PDE1A: variants seen among roughly 807,000 people sequenced by gnomAD.
The protein encoded by PDE1A is dual specificity calcium/calmodulin-dependent 3',5'-cyclic nucleotide phosphodiesterase 1A.
Under a neutral mutation model 61.7 loss-of-function variants are expected in PDE1A, and 35 were observed. The ratio of observed to expected loss-of-function variants is 0.57; its 90% CI spans 0.43 to 0.75. The LOEUF (loss-of-function observed/expected upper bound fraction) is 0.75, where lower values mean the gene tolerates loss of function less well. Ranked by LOEUF, PDE1A falls within the 30% of genes least tolerant of loss-of-function variation. The pLI, the probability that PDE1A is intolerant of heterozygous loss-of-function variation, is 0.00. For synonymous variants in PDE1A, 232 were observed against 213.2 expected, an observed-to-expected ratio of 1.09 and a Z score of -0.77; for missense variants, 597 against 630.6, an observed-to-expected ratio of 0.95 and a Z score of 0.57.
At chr2:182,267,479 C>A (rs185716427) in intron 1 of PDE1A, among the ~76,000 whole-genome samples, 144 of 151,394 alleles carry the variant, frequency 9.5e-4, no homozygotes, top group Non-Finnish European at 8.7e-4. Context: ...ACTATGCCAA[C>A]CCCAAAAGAC....
At chr2:182,440,135 T>A (rs574274568) in intron 2 of PDE1A, among the ~76,000 whole-genome samples, 13 of 152,184 alleles carry the variant, frequency 8.5e-5, no homozygotes, top group Middle Eastern at 3.4e-3. Flanking sequence ...CCTTTCAGGA[T>A]TCATTTCCAG....
intron 1 of PDE1A, among the ~76,000 whole-genome samples, chr2:182,312,462 GA>G (rs1696048010): frequency 6.6e-6 from 1 of 152,062 alleles, no homozygotes; most frequent in Non-Finnish European, 1.5e-5. Context: ...AATTCATTTT[GA>G]GTTAATATTT....
At chr2:182,172,854 C>T (rs926316952) in intron 13 of PDE1A, among the ~76,000 whole-genome samples, 9 of 151,922 alleles carry the variant, frequency 5.9e-5, no homozygotes, top group Admixed American at 5.3e-4. Flanking sequence ...AAAACATAGG[C>T]GTAGCTAGAC....
chr2:182,264,131 T>C (rs1421042875), intron 2 of PDE1A, among the ~76,000 whole-genome samples, 170 bp downstream of exon 2: 3 of 152,168 alleles, frequency 2.0e-5, no homozygotes. Context: ...AGAATCATAG[T>C]CCAGTTAATT....
At chr2:182,679,334 C>T in the PDE1A span, among the ~76,000 whole-genome samples, 1 of 150,578 alleles carries the variant, frequency 6.6e-6, no homozygotes, top group Admixed American at 6.6e-5. Flanking sequence ...CAGGCGCCCG[C>T]CACCATGCTC....
At position 182,363,167 on chromosome 2, in the gene PDE1A, C is replaced by T. The variant is rs935394710; in HGVS notation, c.53+63411G>A. 9.9e-5 allele frequency among the ~76,000 whole-genome samples: 15 copies of T among 151,932 alleles called. 1 individual carries two copies. The highest frequency in any genetic ancestry group is 9.9e-4 in the Admixed American group (15 of 15,196). On this transcript the variant is annotated intron_variant, in intron 1 of 13. Coordinates refer to ENST00000351439, the Ensembl canonical transcript of PDE1A. ...TCTGTACAACAGATCTCCATGACAC[C>T]CGTTTACCTATATAACAAACCTGCT...
chr2:182,148,269 T>C (rs1468398548), intron 13 of PDE1A, among the ~76,000 whole-genome samples: 3 of 152,102 alleles, frequency 2.0e-5, no homozygotes, highest in African/African-American at 7.2e-5. Context: ...AAATGTTGCC[T>C]GTGTGTGTGG....
At chr2:182,383,643 C>T (rs930119800) in intron 1 of PDE1A, among the ~76,000 whole-genome samples, 89 of 151,986 alleles carry the variant, frequency 5.9e-4, no homozygotes, top group African/African-American at 2.1e-3. Flanking sequence ...TATCCCCCAA[C>T]AAAAACATCA....
chr2:182,544,578 G>C, the PDE1A span, among the ~76,000 whole-genome samples: 2 of 152,202 alleles, frequency 1.3e-5, no homozygotes, highest in African/African-American at 4.8e-5. Flanking sequence ...CTAAAGGAAA[G>C]TGATGTCGTG....
At chr2:182,646,407 A>C in the PDE1A span, among the ~76,000 whole-genome samples, 46 of 147,258 alleles carry the variant, frequency 3.1e-4, no homozygotes, top group African/African-American at 1.2e-3. Context: ...AAAAAAAAAA[A>C]AGCCATACGC....
the PDE1A span, among the ~76,000 whole-genome samples, chr2:182,591,589 G>A: frequency 1.3e-5 from 2 of 152,084 alleles, no homozygotes; most frequent in Non-Finnish European, 2.9e-5. Flanking sequence ...TCTTCATTGC[G>A]GGTGAGTGAT....
intron 6 of PDE1A, among the ~76,000 whole-genome samples, chr2:182,228,310 C>CAT (rs896247115): frequency 1.3e-5 from 2 of 152,106 alleles, no homozygotes; most frequent in African/African-American, 4.8e-5. Context: ...CAATCCCTTT[C>CAT]AGGAATGGTC....
chr2:182,495,208 C>G (rs1367201), intron 2 of PDE1A, among the ~76,000 whole-genome samples: 118,236 of 152,112 alleles, frequency 0.78, 46,250 homozygotes, highest in East Asian at 0.96. Flanking sequence ...CAGTCACAGT[C>G]TCTTGGCTTT....
chr2:182,707,692 G>A, the PDE1A span, among the ~76,000 whole-genome samples: 1 of 152,140 alleles, frequency 6.6e-6, no homozygotes, highest in Non-Finnish European at 1.5e-5. Flanking sequence ...ATTCACCATG[G>A]ATTCTATCAA....
intron 1 of PDE1A, among the ~76,000 whole-genome samples, chr2:182,385,506 T>A (rs1236388908): frequency 1.3e-5 from 2 of 151,918 alleles, no homozygotes; most frequent in East Asian, 3.9e-4. Flanking sequence ...GTTATTAGAT[T>A]TTTTGCAAGC....
chr2:182,274,035 T>C (rs900038676), intron 1 of PDE1A, among the ~76,000 whole-genome samples: 3 of 152,096 alleles, frequency 2.0e-5, no homozygotes, highest in African/African-American at 7.2e-5. Context: ...TCCCAGTTCA[T>C]AGATGGCTGT....
intron 6 of PDE1A, among the ~76,000 whole-genome samples, chr2:182,226,312 T>G (rs1689138246): frequency 1.3e-5 from 2 of 149,802 alleles, no homozygotes; most frequent in Non-Finnish European, 2.9e-5. Context: ...CTGTGAAAAT[T>G]TATTATAAAT....
chr2:182,525,992 G>A (rs1345162666), upstream of PDE1A, among the ~76,000 whole-genome samples: 2 of 152,062 alleles, frequency 1.3e-5, no homozygotes, highest in Non-Finnish European at 2.9e-5. Flanking sequence ...TCCCAAGTTA[G>A]CATCTGTGAA....
At chr2:182,510,027 T>C (rs1689683830) in intron 2 of PDE1A, among the ~76,000 whole-genome samples, 1 of 152,150 alleles carries the variant, frequency 6.6e-6, no homozygotes, top group Admixed American at 6.5e-5. Flanking sequence ...GAGATTTTAC[T>C]ATTTTTTTCA....
Sources: allele counts gnomAD v4.1 joint callset (sites outside exome capture counted in the v4.1 genomes callset), GRCh38; gene constraint gnomAD v4.1.1; transcripts MANE v1.5; gene names NCBI Gene and HGNC (gene_info 2026-07-23, HGNC 2026-07-21).